The following UMAD1 variants were observed in gnomAD, a reference collection of about 807,000 sequenced individuals.
UMAD1 encodes UBAP1-MVB12-associated (UMA) domain containing 1.
UMAD1 carries 8 observed loss-of-function variants against 6.1 expected under a neutral mutation model. The observed-to-expected ratio is 1.30, with a 90% CI of 0.76 to 2.35. The LOEUF (loss-of-function observed/expected upper bound fraction) is 2.35. Ranked by LOEUF, UMAD1 falls within the 30% of genes most tolerant of loss-of-function variation. The probability of loss-of-function intolerance (pLI) is 0.00; values close to 1 mark genes in which losing one functional copy is unlikely to be tolerated. For synonymous variants in UMAD1, 56 were observed against 31.4 expected, an observed-to-expected ratio of 1.78 and a Z score of -2.61; for missense variants, 130 against 78.4, an observed-to-expected ratio of 1.66 and a Z score of -2.49.
At chr7:7,705,703 A>G (rs1205689855) in intron 2 of UMAD1, among the ~76,000 whole-genome samples, 3 of 152,192 alleles carry the variant, frequency 2.0e-5, no homozygotes, top group African/African-American at 7.2e-5. Flanking sequence ...CTCTTATGTT[A>G]ATATATTGGT....
intron 2 of UMAD1, among the ~76,000 whole-genome samples, chr7:7,728,646 G>GAAAAA (rs71014706): frequency 9.2e-6 from 1 of 108,966 alleles, no homozygotes; most frequent in Non-Finnish European, 1.9e-5. Flanking sequence ...TCCATCTTAA[G>GAAAAA]AAAAAAAAAA....
intron 2 of UMAD1, among the ~76,000 whole-genome samples, chr7:7,680,904 C>G (rs1779892857): frequency 6.6e-6 from 1 of 151,800 alleles, no homozygotes; most frequent in Non-Finnish European, 1.5e-5. Context: ...ATGCCGTAAC[C>G]TTACTGAATT....
chr7:7,785,817 A>G (rs1283172795), intron 2 of UMAD1, among the ~76,000 whole-genome samples: 1 of 152,182 alleles, frequency 6.6e-6, no homozygotes, highest in African/African-American at 2.4e-5. Flanking sequence ...CACAAAGAGT[A>G]CCTAGGAGGA....
Position 7,642,718 on chromosome 7 carries a change from G to A in UMAD1, c.-64+1897G>A, listed in dbSNP as rs1785002314. Among the ~76,000 whole-genome samples the A allele has an allele frequency of 2.0e-5, 3 of 152,126 alleles. 1 individual carries two copies. The South Asian group carries it at 6.2e-4, about 31-fold the overall frequency. On this transcript the variant is annotated intron_variant, in intron 1 of 3. Transcript: ENST00000682710. ...GAGAGAAATGAAATGAATCCATGGGGCCTGTCATTCAGCTGAAGAAATGGA... is the reference window on the plus strand; with the variant it reads ...GAGAGAAATGAAATGAATCCATGGGACCTGTCATTCAGCTGAAGAAATGGA...
intron 2 of UMAD1, among the ~76,000 whole-genome samples, chr7:7,787,669 C>A (rs941957994): frequency 6.6e-6 from 1 of 152,118 alleles, no homozygotes; most frequent in Non-Finnish European, 1.5e-5. Flanking sequence ...TACCAGAGAC[C>A]TATCAGTTTT....
intron 3 of UMAD1, among the ~76,000 whole-genome samples, chr7:7,836,171 C>T (rs1345045268): frequency 1.3e-5 from 2 of 151,964 alleles, no homozygotes; most frequent in African/African-American, 4.8e-5. Context: ...TGCTTACTGT[C>T]AATTTGTGTA....
At position 7,716,579 on chromosome 7, in the gene UMAD1, C is replaced by T. The variant is rs1431786852; in HGVS notation, c.82+43126C>T. Among the ~76,000 whole-genome samples the T allele has an allele frequency of 3.9e-5, 6 of 152,292 alleles. No individual in the cohort carries two copies. In the East Asian group the frequency reaches 9.7e-4, roughly 24 times the overall value. On this transcript the variant is annotated intron_variant, in intron 2 of 3. Coordinates refer to ENST00000682710, the MANE Select transcript of UMAD1 (RefSeq NM_001302348.2). ...CCACCTTCCCTTTTCTTTGTCACCACGTGCACAGTAAAGAGGCAGGCAACA... is the reference window on the plus strand; with the variant it reads ...CCACCTTCCCTTTTCTTTGTCACCATGTGCACAGTAAAGAGGCAGGCAACA...
chr7:7,760,508 C>A (rs923992553), intron 2 of UMAD1, among the ~76,000 whole-genome samples: 1 of 151,546 alleles, frequency 6.6e-6, no homozygotes, highest in Non-Finnish European at 1.5e-5. Flanking sequence ...GGAATACCAA[C>A]CAAAGCCAAA....
chr7:7,677,175 A>G (rs1040272198), intron 2 of UMAD1, among the ~76,000 whole-genome samples: 2 of 152,182 alleles, frequency 1.3e-5, no homozygotes, highest in Non-Finnish European at 2.9e-5. Context: ...TGACACAGGC[A>G]TATAATGTGT....
intron 2 of UMAD1, among the ~76,000 whole-genome samples, chr7:7,746,029 C>T (rs942098847): frequency 5.9e-5 from 9 of 152,240 alleles, no homozygotes; most frequent in African/African-American, 9.6e-5. Context: ...TGGCACCACA[C>T]TCAGCCAATT....
chr7:7,860,522 A>G (rs1032394352), intron 3 of UMAD1, among the ~76,000 whole-genome samples: 10 of 147,718 alleles, frequency 6.8e-5, no homozygotes, highest in Non-Finnish European at 8.9e-5. Flanking sequence ...GCACTTTGGG[A>G]GGCCGAGGCA....
intron 3 of UMAD1, among the ~76,000 whole-genome samples, chr7:7,835,500 T>TTTTTA: frequency 9.8e-6 from 1 of 102,496 alleles, no homozygotes; most frequent in Admixed American, 1.1e-4. Flanking sequence ...TTTTTTTTTT[T>TTTTTA]AGCTCTTAGC....
At chr7:7,785,073 C>T (rs1354516343) in intron 2 of UMAD1, among the ~76,000 whole-genome samples, 2 of 152,080 alleles carry the variant, frequency 1.3e-5, no homozygotes, top group Admixed American at 1.3e-4. Context: ...TTCCAAGTGT[C>T]TAAAGAATCT....
intron 2 of UMAD1, among the ~76,000 whole-genome samples, chr7:7,695,773 A>G (rs572125320): frequency 3.3e-5 from 5 of 152,254 alleles, no homozygotes; most frequent in East Asian, 1.9e-4. Context: ...TTATCTGTCA[A>G]TGTGTCACCT....
intron 1 of UMAD1, among the ~76,000 whole-genome samples, chr7:7,660,171 CT>C (rs1785438949): frequency 6.6e-6 from 1 of 152,146 alleles, no homozygotes; most frequent in Non-Finnish European, 1.5e-5. Context: ...TCTTTCATCC[CT>C]TTATTTTGAG....
chr7:7,750,484 C>G (rs79404276), intron 2 of UMAD1, among the ~76,000 whole-genome samples: 1 of 152,190 alleles, frequency 6.6e-6, no homozygotes, highest in Non-Finnish European at 1.5e-5. Context: ...TAAAACTCCA[C>G]TCCAATTAGA....
chr7:7,664,301 G>A lies in UMAD1; in HGVS notation c.-63-9008G>A, dbSNP rs556304038. 9.2e-4 allele frequency among the ~76,000 whole-genome samples: 140 copies of A among 151,896 alleles called. 1 individual carries two copies. Among genetic ancestry groups the A allele is most frequent in the African/African-American group, 3.3e-3 (137 of 41,404 alleles). On this transcript the variant is annotated intron_variant, in intron 1 of 3. Coordinates refer to ENST00000682710, the MANE Select transcript of UMAD1 (RefSeq NM_001302348.2). ...ACTTCACCCATCTTAATCCAGTCCC[G>A]TTTCAGTACAACTGTCTTAACTTCT...
intron 3 of UMAD1, among the ~76,000 whole-genome samples, chr7:7,819,909 C>T (rs769888289): frequency 5.9e-5 from 9 of 152,168 alleles, no homozygotes; most frequent in Non-Finnish European, 8.8e-5. Flanking sequence ...TTCTCCATAT[C>T]TGAAAATGTA....
intron 2 of UMAD1, among the ~76,000 whole-genome samples, chr7:7,730,080 T>C (rs534746566): frequency 2.4e-4 from 36 of 152,338 alleles, no homozygotes; most frequent in African/African-American, 8.4e-4. Flanking sequence ...CCCTTGCTCC[T>C]ACACTATTAA....
Sources: gnomAD v4.1 joint callset for allele counts (sites outside exome capture counted in the v4.1 genomes callset) on GRCh38, gnomAD v4.1.1 for gene constraint, MANE v1.5 for transcripts, NCBI Gene and HGNC (gene_info 2026-07-23, HGNC 2026-07-21) for gene names.